YJU2B: variants seen among roughly 807,000 people sequenced by gnomAD.
YJU2B encodes probable splicing factor YJU2B.
Under a neutral mutation model 38.0 loss-of-function variants are expected in YJU2B, and 18 were observed. That is an observed-to-expected ratio of 0.47 (90% CI 0.33 to 0.70). YJU2B has a LOEUF of 0.70. Among genes scored for constraint, YJU2B ranks in the 30% least tolerant of loss-of-function variants. The pLI is 0.02. For missense variants in YJU2B, 538 were observed against 556.3 expected (o/e 0.97, Z 0.33); for synonymous variants, 246 against 225.4 (o/e 1.09, Z -0.82).
chr19:13,751,594 CTCTT>C lies in YJU2B; in HGVS notation c.-201-10_-201-7del, dbSNP rs1973466927. 5.1e-6 allele frequency: 3 copies of C among 587,174 alleles called. No homozygotes were observed. In the South Asian group the frequency reaches 6.2e-5, roughly 12 times the overall value. The allele number at this position is 587,174 out of a possible 1,614,324, so 36.4% of individuals were successfully genotyped here. ...TTGGCTGTAGAGTGGACGGGACTCT[CTCTT>C]TCTAAACAGACACGCCGCTTTTTGG... is the stretch of plus-strand genomic sequence containing the variant. On this transcript the variant is annotated splice_polypyrimidine_tract_variant and intron_variant, in intron 1 of 9. Transcript: ENST00000221554.
At chr19:13,750,531 G>A (rs1233532870) in intron 1 of YJU2B, among the ~76,000 whole-genome samples, 1 of 151,966 alleles carries the variant, frequency 6.6e-6, no homozygotes, top group African/African-American at 2.4e-5. Flanking sequence ...CTGGCCGGAT[G>A]AGGTCTTTGA....
intron 2 of YJU2B, among the ~76,000 whole-genome samples, chr19:13,739,532 G>A (rs1973040102): frequency 6.6e-6 from 1 of 152,140 alleles, no homozygotes. Context: ...TTGTTAAAAT[G>A]TGTGGTTGTG....
In YJU2B at chr19:13,751,392, T is replaced by C. The variant is rs182180201; in HGVS notation, c.-201-216T>C. Among the ~76,000 whole-genome samples, 1,016 of 152,062 alleles carry C rather than the reference T, an allele frequency of 6.7e-3. 7 individuals carry two copies. The highest frequency in any genetic ancestry group is 0.011 in the Non-Finnish European group (730 of 67,970). ...ATCGCGCCACTGCACTCCAGCCTGG[T>C]GACAGAGCGAGACTCCATCTCAAAA... On this transcript the variant is annotated intron_variant, in intron 1 of 9. Transcript: ENST00000221554.
chr19:13,763,031 C>A lies in YJU2B; in HGVS notation c.1154C>A (p.Ser385Tyr). The A allele has an allele frequency of 1.3e-6, 2 of 1,579,164 alleles. No individual in the cohort carries two copies. The highest frequency in any genetic ancestry group is 8.6e-7 in the Non-Finnish European group (1 of 1,161,906). ...DTRHPCSLGS[S>Y]LVADYSDSES... ...CGGCACCCCTGCAGTCTCGGCTCCT[C>A]CCTCGTGGCGGACTACTCCGACTCG... is the stretch of plus-strand genomic sequence containing the variant. Residue 385 changes from serine to tyrosine, a missense_variant, in exon 10 of 10, where the codon TCC (serine) becomes TAC (tyrosine). Coordinates refer to ENST00000221554, the MANE Select transcript of YJU2B (RefSeq NM_030818.4).
chr19:13,754,127 G>A (rs1599522692), intron 2 of YJU2B, among the ~76,000 whole-genome samples, 162 bp from the exon 3 acceptor site: 1 of 152,094 alleles, frequency 6.6e-6, no homozygotes, highest in African/African-American at 2.4e-5. Flanking sequence ...AGTCAAGATC[G>A]CACCACTGCA....
intron 4 of YJU2B, among the ~76,000 whole-genome samples, chr19:13,756,635 C>A (rs538994787): frequency 6.6e-6 from 1 of 152,192 alleles, no homozygotes; most frequent in African/African-American, 2.4e-5. Context: ...GTATCTCAAC[C>A]TGTAGCAGGC....
Position 13,762,619 on chromosome 19 carries a change from AC to A in YJU2B, c.744del (p.Glu249ArgfsTer24). ...CGAGGACAAGCAGAAACTCAAGCGG[AC>A]CGAGATCATCAGCCGCTCCTGGTTC... ...SYEDKQKLKR[T>X]EIISRSWFPS... is the part of the protein sequence containing the mutation. On this transcript the variant is annotated frameshift_variant, in exon 10 of 10. Transcript: ENST00000221554. LOFTEE classifies it low-confidence loss of function (END_TRUNC). 1 of 1,532,080 alleles carries A rather than the reference AC, an allele frequency of 6.5e-7. No homozygotes were observed. Among genetic ancestry groups the A allele is most frequent in the South Asian group, 1.3e-5 (1 of 79,320 alleles). 94.9% of individuals were successfully genotyped at this position (1,532,080 alleles called of 1,614,324 possible).
chr19:13,751,166 C>T (rs747243180), intron 1 of YJU2B, among the ~76,000 whole-genome samples: 40 of 152,126 alleles, frequency 2.6e-4, no homozygotes, highest in Non-Finnish European at 5.0e-4. Context: ...ACCTGTAATG[C>T]CAGCACTTTG....
intron 8 of YJU2B, chr19:13,759,543 A>G: frequency 2.9e-6 from 1 of 342,524 alleles, no homozygotes; most frequent in Admixed American, 4.8e-5. Context: ...TGAGGCCAGG[A>G]GTTCAAGATC....
Position 13,762,712 on chromosome 19 carries a change from C to T in YJU2B, c.835C>T (p.Arg279Cys). 2 of 1,606,638 alleles carry T rather than the reference C, an allele frequency of 1.2e-6. No individual in the cohort carries two copies. Among genetic ancestry groups the T allele is most frequent in the East Asian group, 2.2e-5 (1 of 44,842 alleles). ...SGVLKKLAQS[R>C]RTALATSPIT... Reference sequence around the variant, plus strand: ...CGTCCTGAAGAAGCTGGCACAGAGCCGCAGAACCGCGCTTGCCACCTCCCC... The same window carrying T: ...CGTCCTGAAGAAGCTGGCACAGAGCTGCAGAACCGCGCTTGCCACCTCCCC... The change falls in exon 10 of 10, where the codon CGC becomes TGC. Residue 279 changes from arginine to cysteine, a missense_variant. By Grantham distance (180) the Arg-to-Cys change is radical. This residue lies in a region of YJU2B where 488 missense variants were observed against 469.5 expected (regional missense o/e 1.04). Transcript: ENST00000221554.
rs373207120 is a variant in YJU2B, at chr19:13,741,176, CGGA to C, written c.-202+8893_-202+8895del. The stretch of plus-strand genomic sequence containing the variant: ...CTTTTTTTTTTTTTTTTTTTTGAGA[CGGA>C]GTTTCGCTCTTGTTGCCCAAGCTGC... On this transcript the variant is annotated intron_variant, in intron 2 of 10. Transcript: ENST00000586600. Among the ~76,000 whole-genome samples the C allele has an allele frequency of 7.0e-3, 812 of 116,562 alleles. 6 individuals carry two copies. Among genetic ancestry groups the C allele is most frequent in the African/African-American group, 0.026 (782 of 30,176 alleles). 76.5% of individuals were successfully genotyped at this position (116,562 alleles called of 152,430 possible).
chr19:13,761,207 G>A (rs1015555087), intron 8 of YJU2B, among the ~76,000 whole-genome samples: 9 of 135,226 alleles, frequency 6.7e-5, no homozygotes, highest in Admixed American at 4.3e-4. Context: ...GTGAAACCCC[G>A]TCTCTACTAA....
intron 8 of YJU2B, 107 bp from the exon 9 acceptor site, chr19:13,762,192 C>CA (rs1229323877): frequency 7.4e-7 from 1 of 1,346,516 alleles, no homozygotes; most frequent in Non-Finnish European, 1.0e-6. Context: ...GAAACTGTCT[C>CA]AAAAAGAGTA....
At chr19:13,758,285 T>C (rs1599531199) in intron 6 of YJU2B, among the ~76,000 whole-genome samples, 1 of 152,180 alleles carries the variant, frequency 6.6e-6, no homozygotes, top group Non-Finnish European at 1.5e-5. Context: ...ACTGGTTGCT[T>C]GTGCCCTTGC....
intron 2 of YJU2B, among the ~76,000 whole-genome samples, chr19:13,736,282 G>C (rs143397624): frequency 8.6e-6 from 1 of 115,716 alleles, no homozygotes; most frequent in African/African-American, 3.3e-5. Flanking sequence ...TTTTTGTGAC[G>C]GAGTTTGACT....
chr19:13,761,833 C>T (rs1973901042), intron 8 of YJU2B, among the ~76,000 whole-genome samples: 1 of 151,552 alleles, frequency 6.6e-6, no homozygotes, highest in Non-Finnish European at 1.5e-5. Flanking sequence ...AAGTGATTTT[C>T]ATGCCTCAGC....
rs977857715 is a variant in YJU2B, at chr19:13,762,814, A to AC, written c.942dup (p.Lys315GlnfsTer28). On this transcript the variant is annotated frameshift_variant, in exon 10 of 10. Coordinates refer to ENST00000221554, the MANE Select transcript of YJU2B (RefSeq NM_030818.4). LOFTEE classifies it low-confidence loss of function (END_TRUNC). ...GGAGAGCCCCCAGCATGCGGCCGAC[A>AC]CCCCCAAGTCTGGGGAACCGCGGGT... is the stretch of plus-strand genomic sequence containing the variant. 1 of 1,603,262 alleles carries AC rather than the reference A, an allele frequency of 6.2e-7. No homozygotes were observed. Among genetic ancestry groups the AC allele is most frequent in the Non-Finnish European group, 8.5e-7 (1 of 1,175,934 alleles).
intron 3 of YJU2B, among the ~76,000 whole-genome samples, chr19:13,754,827 G>A (rs191633145): frequency 3.9e-5 from 6 of 152,016 alleles, no homozygotes; most frequent in Admixed American, 3.3e-4. Context: ...TTTGCGTCTT[G>A]TCCATCTCCC....
intron 6 of YJU2B, 90 bp downstream of exon 6, chr19:13,757,936 T>C (rs1456804102): frequency 1.8e-6 from 2 of 1,138,326 alleles, no homozygotes; most frequent in Admixed American, 1.8e-5. Context: ...GGGGAACCCA[T>C]TCCCTGCAGG....
Sources: allele counts gnomAD v4.1 joint callset (sites outside exome capture counted in the v4.1 genomes callset), GRCh38; gene constraint gnomAD v4.1.1; regional missense constraint gnomAD v4.1.1; transcripts MANE v1.5; gene names NCBI Gene and HGNC (gene_info 2026-07-23, HGNC 2026-07-21).